AWAT2: variants seen among roughly 807,000 people sequenced by gnomAD.
AWAT2 encodes the protein 11-cis-RE-synthase.
Under a neutral mutation model 22.3 loss-of-function variants are expected in AWAT2, and 9 were observed. That is an observed-to-expected ratio of 0.40 (90% CI 0.24 to 0.70). The LOEUF is 0.70. AWAT2 is among the 30% of genes least tolerant of loss of function. AWAT2 has a pLI of 0.36. For missense variants in AWAT2, 217 were observed against 265.9 expected, an observed-to-expected ratio of 0.82 and a Z score of 1.28; for synonymous variants, 100 against 93.4, an observed-to-expected ratio of 1.07 and a Z score of -0.40.
Position 70,043,666 on chromosome X carries a change from T to C in AWAT2, c.284A>G (p.Asp95Gly). Residue 95 changes from aspartate (D) to glycine (G), a missense_variant, in exon 4 of 8, where the codon GAC (aspartate) becomes GGC (glycine). Asp to Gly is a moderately conservative substitution (Grantham distance 94). Coordinates refer to ENST00000276101, the MANE Select transcript of AWAT2 (RefSeq NM_001002254.1). ...YFPLKLLKTH[D>G]ICPSRNYILV... ...GATGTAGTTGCGGCTGGGGCAGATGTCATGAGTCTTCAGAAGCTGCGGAAG... is the reference window on the plus strand; with the variant it reads ...GATGTAGTTGCGGCTGGGGCAGATGCCATGAGTCTTCAGAAGCTGCGGAAG... 8.3e-7 allele frequency: 1 copy of C among 1,205,661 alleles called. No homozygotes were observed.
intron 5 of AWAT2, 48 bp from the exon 6 acceptor site, chrX:70,042,434 T>C (rs1468494820): frequency 3.4e-5 from 39 of 1,135,786 alleles, no homozygotes; most frequent in Non-Finnish European, 4.7e-5. Context: ...GTAGGGACCT[T>C]GTCGAATGCC....
At position 70,044,474 on chromosome X, in the gene AWAT2, C is replaced by T. The variant is rs775389096; in HGVS notation, c.86-12G>A. 2.5e-6 allele frequency: 3 copies of T among 1,207,263 alleles called. No individual in the cohort carries two copies. Among genetic ancestry groups the T allele is most frequent in the Non-Finnish European group, 3.4e-6 (3 of 893,290 alleles). ...AATCACAGTGGTTGCTGCAGGAAGC[C>T]CAGACCAGAGTTAATGAATTTCAAG... On this transcript the variant is annotated splice_polypyrimidine_tract_variant and intron_variant, in intron 1 of 7. Coordinates refer to ENST00000276101, the MANE Select transcript of AWAT2 (RefSeq NM_001002254.1).
intron 5 of AWAT2, among the ~76,000 whole-genome samples, chrX:70,042,738 A>G (rs2020336381): frequency 8.9e-6 from 1 of 112,162 alleles, no homozygotes; most frequent in Admixed American, 9.4e-5. Context: ...CCCCTTGTAT[A>G]GAGGGGCCGG....
chrX:70,043,520 A>G lies in AWAT2; in HGVS notation c.430T>C (p.Phe144Leu). Residue 144 changes from phenylalanine to leucine, a missense_variant, in exon 4 of 8, where the codon TTT (phenylalanine) becomes CTT (leucine). By Grantham distance (22) the Phe-to-Leu change is conservative (BLOSUM62 0). Transcript: ENST00000276101. ...TCTCTGAGGAAAGGCATCCAGAAAA[A>G]GGCTCCCAGTGTGAGTATGTAAGGG... is the stretch of plus-strand genomic sequence containing the variant. The part of the protein sequence containing the change: ...ITPYILTLGA[F>L]FWMPFLREYV... 1 of 1,210,588 alleles carries G rather than the reference A, an allele frequency of 8.3e-7. No homozygotes were observed. Among genetic ancestry groups the G allele is most frequent in the East Asian group, 3.0e-5 (1 of 33,839 alleles).
At chrX:70,044,610 C>A in intron 1 of AWAT2, 148 bp from the exon 2 acceptor site, 1 of 959,368 alleles carries the variant, frequency 1.0e-6, no homozygotes, top group Non-Finnish European at 1.4e-6. Context: ...CAGCACCTGG[C>A]CCATCTGCCC....
chrX:70,042,272 G>T lies in AWAT2; in HGVS notation c.762C>A (p.His254Gln). The T allele has an allele frequency of 8.3e-7, 1 of 1,211,513 alleles. No homozygotes were observed. The highest frequency in any genetic ancestry group is 1.7e-5 in the African/African-American group (1 of 57,853). ...RFQKWFQSMV[H>Q]IYPCAFYGRG... ...GTCCATAGAAAGCACAAGGGTAGATGTGTACCATGCTCTGGAACCACTTCT... is the reference window on the plus strand; with the variant it reads ...GTCCATAGAAAGCACAAGGGTAGATTTGTACCATGCTCTGGAACCACTTCT... The change falls in exon 6 of 8, where the codon CAC becomes CAA. Residue 254 changes from histidine (H) to glutamine (Q), a missense_variant. Transcript: ENST00000276101.
intron 1 of AWAT2, among the ~76,000 whole-genome samples, chrX:70,045,878 G>A (rs2020358479): frequency 1.8e-5 from 2 of 111,165 alleles, no homozygotes; most frequent in African/African-American, 6.6e-5. Context: ...GCCAGGGATA[G>A]GGAGAGGTGA....
At chrX:70,042,162 G>A in intron 6 of AWAT2, 25 bp downstream of exon 6, 1 of 1,182,937 alleles carries the variant, frequency 8.5e-7, no homozygotes, top group Non-Finnish European at 1.1e-6. Context: ...CTAGACTCAG[G>A]CTGCCAGCAG....
intron 4 of AWAT2, 64 bp downstream of exon 4, chrX:70,043,414 C>A (rs1430853684): frequency 9.3e-7 from 1 of 1,070,750 alleles, no homozygotes; most frequent in African/African-American, 1.9e-5. Context: ...CTCACGCATC[C>A]CCCTACAATT....
chrX:70,042,457 G>C, intron 5 of AWAT2, 71 bp from the exon 6 acceptor site: 1 of 1,030,348 alleles, frequency 9.7e-7, no homozygotes, highest in Non-Finnish European at 1.4e-6. Context: ...ACACGCTGAC[G>C]GCGCATGATC....
intron 1 of AWAT2, among the ~76,000 whole-genome samples, chrX:70,045,161 A>G (rs2020354446): frequency 8.9e-6 from 1 of 112,293 alleles, no homozygotes; most frequent in South Asian, 3.7e-4. Context: ...GACAGAGAAC[A>G]TTTCTAATTG....
Position 70,043,688 on chromosome X carries a change from G to A in AWAT2, c.268-6C>T. 8.4e-7 allele frequency: 1 copy of A among 1,192,689 alleles called. No individual in the cohort carries two copies. The highest frequency in any genetic ancestry group is 1.1e-6 in the Non-Finnish European group (1 of 882,952). ...ATGTCATGAGTCTTCAGAAGCTGCGGAAGAAAGTAGAATCAGGAGGGCTAT... is the reference window on the plus strand; with the variant it reads ...ATGTCATGAGTCTTCAGAAGCTGCGAAAGAAAGTAGAATCAGGAGGGCTAT... On this transcript the variant is annotated splice_polypyrimidine_tract_variant and splice_region_variant and intron_variant, in intron 3 of 7. Transcript: ENST00000276101.
At chrX:70,043,707 G>C in intron 3 of AWAT2, 25 bp from the exon 4 acceptor site, 1 of 1,166,585 alleles carries the variant, frequency 8.6e-7, no homozygotes, top group South Asian at 1.9e-5. Context: ...AGAATCAGGA[G>C]GGCTATTCCC....
At chrX:70,043,377 C>A in intron 4 of AWAT2, 101 bp downstream of exon 4, 1 of 996,834 alleles carries the variant, frequency 1.0e-6, no homozygotes, top group Non-Finnish European at 1.4e-6. Context: ...TGTTTCACAC[C>A]AGAGGGGATT....
intron 1 of AWAT2, among the ~76,000 whole-genome samples, chrX:70,047,856 G>A (rs995935225): frequency 1.8e-5 from 2 of 110,328 alleles, no homozygotes; most frequent in South Asian, 4.0e-4. Flanking sequence ...AGTATACCCC[G>A]AAGTCAAACT....
chrX:70,049,396 T>C (rs1210906147), intron 1 of AWAT2, among the ~76,000 whole-genome samples: 1 of 111,657 alleles, frequency 9.0e-6, no homozygotes, highest in Non-Finnish European at 1.9e-5. Flanking sequence ...AATTGTCGAA[T>C]TCCTCAGGAT....
intron 1 of AWAT2, among the ~76,000 whole-genome samples, chrX:70,046,103 T>C (rs1011002952): frequency 4.5e-5 from 5 of 111,525 alleles, no homozygotes; most frequent in Non-Finnish European, 9.4e-5. Flanking sequence ...AATAAAAGGA[T>C]GGGGGGACTT....
At chrX:70,042,673 C>T (rs1471226977) in intron 5 of AWAT2, 5 of 421,706 alleles carry the variant, frequency 1.2e-5, no homozygotes, top group Non-Finnish European at 1.7e-5. Flanking sequence ...AGTTGATTTT[C>T]TTCACTTTAA....
At position 70,043,355 on chromosome X, in the gene AWAT2, G is replaced by T. The variant is rs750909169; in HGVS notation, c.473-112C>A. On this transcript the variant is annotated intron_variant, in intron 4 of 7. Transcript: ENST00000276101. ...AAGGAGCCTAACATCAGGCAGGTGA[G>T]CCTATGATAGCTGTTTCACACCAGA... 3.0e-5 allele frequency: 29 copies of T among 974,585 alleles called. No individual in the cohort carries two copies. The South Asian group carries it at 6.3e-4, about 21-fold the overall frequency. 80.3% of individuals were successfully genotyped at this position (974,585 alleles called of 1,213,427 possible).
Sources: allele counts gnomAD v4.1 joint callset (sites outside exome capture counted in the v4.1 genomes callset), GRCh38; gene constraint gnomAD v4.1.1; transcripts MANE v1.5; gene names NCBI Gene and HGNC (gene_info 2026-07-23, HGNC 2026-07-21).